The following ABHD12 variants were observed in gnomAD, a reference collection of about 807,000 sequenced individuals.
ABHD12 encodes the protein lysophosphatidylserine lipase ABHD12.
Under a neutral mutation model 58.3 loss-of-function variants are expected in ABHD12, and 43 were observed. The ratio of observed to expected loss-of-function variants is 0.74; its 90% CI spans 0.58 to 0.95. The LOEUF is 0.95. Among genes scored for constraint, ABHD12 ranks in the 40% least tolerant of loss-of-function variants. ABHD12 has a pLI of 0.00. For missense variants in ABHD12, 539 were observed against 537.2 expected (o/e 1.00, Z -0.03); for synonymous variants, 219 against 211.2 (o/e 1.04, Z -0.32).
intron 1 of ABHD12, among the ~76,000 whole-genome samples, chr20:25,355,495 G>GT (rs1242106001): frequency 6.6e-6 from 1 of 151,940 alleles, no homozygotes; most frequent in Non-Finnish European, 1.5e-5. Context: ...AATTTAAAGG[G>GT]TTTTTTTGTT....
At position 25,308,039 on chromosome 20, in the gene ABHD12, G is replaced by A. The variant is rs1051828961; in HGVS notation, c.794C>T (p.Pro265Leu). Residue 265 changes from proline to leucine, a missense_variant, in exon 9 of 13, where the codon CCT becomes CTT. Coordinates refer to ENST00000339157, the MANE Select transcript of ABHD12 (RefSeq NM_001042472.3). ...LVRRLCERET[P>L]PDALILESPF... ...AGATTCCAATATAAGGGCATCTGGAGGCGTCTCTAGATAAACAAACAGGGA... is the reference window on the plus strand; with the variant it reads ...AGATTCCAATATAAGGGCATCTGGAAGCGTCTCTAGATAAACAAACAGGGA... The A allele has an allele frequency of 3.1e-6, 5 of 1,601,288 alleles. No homozygotes were observed. Among genetic ancestry groups the A allele is most frequent in the Non-Finnish European group, 4.3e-6 (5 of 1,168,234 alleles).
At chr20:25,374,069 A>G (rs2500400) in intron 1 of ABHD12, among the ~76,000 whole-genome samples, 88,304 of 151,696 alleles carry the variant, frequency 0.58, 26,534 homozygotes, top group African/African-American at 0.67. Flanking sequence ...AATCAAAGGC[A>G]TGCACACCAC....
chr20:25,369,090 C>T (rs2089864706), intron 1 of ABHD12, among the ~76,000 whole-genome samples: 2 of 151,880 alleles, frequency 1.3e-5, no homozygotes, highest in Non-Finnish European at 1.5e-5. Flanking sequence ...TGTAGTCCAG[C>T]CTGGGTGACA....
chr20:25,359,265 C>CA (rs1040872750), intron 1 of ABHD12, among the ~76,000 whole-genome samples: 6 of 147,964 alleles, frequency 4.1e-5, no homozygotes, highest in Admixed American at 2.0e-4. Context: ...ACTAAAAATA[C>CA]AAAAAAAAAT....
chr20:25,327,251 GAGGTCA>G (rs1438135658), intron 2 of ABHD12, among the ~76,000 whole-genome samples: 1 of 152,180 alleles, frequency 6.6e-6, no homozygotes, highest in African/African-American at 2.4e-5. Flanking sequence ...GGCAGATCAC[GAGGTCA>G]GGAGTTTGAG....
intron 1 of ABHD12, among the ~76,000 whole-genome samples, chr20:25,346,787 A>G (rs1056015090): frequency 3.3e-5 from 5 of 152,026 alleles, no homozygotes; most frequent in Non-Finnish European, 7.4e-5. Flanking sequence ...CTGGGACTAC[A>G]GGCGCCTGCC....
chr20:25,300,658 TCAGGCCTCCGGGCACTG>T lies in ABHD12; in HGVS notation c.*170_*186del. On this transcript the variant is annotated 3_prime_UTR_variant, in exon 13 of 13. Coordinates refer to ENST00000339157, the MANE Select transcript of ABHD12 (RefSeq NM_001042472.3). The stretch of plus-strand genomic sequence containing the variant: ...ACCCACGCTTTCCACACAGCCATGC[TCAGGCCTCCGGGCACTG>T]CAGGCCTGCAGGGGCCTCCCCGCCT... 6.7e-7 allele frequency: 1 copy of T among 1,501,342 alleles called. No homozygotes were observed. Among genetic ancestry groups the T allele is most frequent in the Non-Finnish European group, 8.9e-7 (1 of 1,129,106 alleles). The allele number at this position is 1,501,342 out of a possible 1,614,324, so 93.0% of individuals were successfully genotyped here. A position where few individuals can be genotyped will look rare whatever the true frequency, so the allele number is the denominator to read the frequency against.
intron 1 of ABHD12, chr20:25,368,293 A>G (rs1190382775): frequency 2.0e-6 from 3 of 1,535,264 alleles, no homozygotes; most frequent in East Asian, 4.5e-5. Flanking sequence ...GTTCACAGTC[A>G]GCAATGGTGA....
At chr20:25,390,041 G>A (rs1251097908) in intron 1 of ABHD12, 3 of 153,048 alleles carry the variant, frequency 2.0e-5, no homozygotes, top group Non-Finnish European at 2.9e-5. Context: ...GGAGGAGGAG[G>A]TCCGAGTGGG....
At chr20:25,313,005 T>TG (rs1355991255) in intron 6 of ABHD12, among the ~76,000 whole-genome samples, 19 of 151,356 alleles carry the variant, frequency 1.3e-4, no homozygotes, top group Admixed American at 3.3e-4. Context: ...GTCTGGGAGG[T>TG]GGGGGGCGCC....
At chr20:25,380,118 C>T (rs915288747) in intron 1 of ABHD12, among the ~76,000 whole-genome samples, 5 of 152,148 alleles carry the variant, frequency 3.3e-5, no homozygotes, top group African/African-American at 7.2e-5. Flanking sequence ...TTAATCTGCC[C>T]TTCAGTGTAA....
rs1490817479 is a variant in ABHD12, at chr20:25,312,664, T to C, written c.619+2261A>G. On this transcript the variant is annotated intron_variant, in intron 6 of 12. Coordinates refer to ENST00000339157, the MANE Select transcript of ABHD12 (RefSeq NM_001042472.3). ...CATCGTCTGGGATGTGAGGAGCCCC[T>C]CTGCCTGGCTGCCCAGTCTGGGAAG... 2.1e-5 allele frequency among the ~76,000 whole-genome samples: 3 copies of C among 146,262 alleles called. No homozygotes were observed. In the East Asian group the frequency reaches 6.1e-4, roughly 30 times the overall value.
chr20:25,297,106 A>G (rs200510961), downstream of ABHD12: 23 of 156,102 alleles, frequency 1.5e-4, no homozygotes, highest in Non-Finnish European at 2.7e-4. Flanking sequence ...CACCTGGTAT[A>G]TGGGTCATGG....
At chr20:25,337,017 G>A (rs931092595) in intron 2 of ABHD12, among the ~76,000 whole-genome samples, 7 of 152,194 alleles carry the variant, frequency 4.6e-5, no homozygotes, top group South Asian at 2.1e-4. Context: ...ATCCCAGCAC[G>A]TTGGGAGGCC....
At chr20:25,360,996 G>A (rs1378365704) in intron 1 of ABHD12, among the ~76,000 whole-genome samples, 1 of 152,248 alleles carries the variant, frequency 6.6e-6, no homozygotes, top group Non-Finnish European at 1.5e-5. Context: ...TTAGAAAACA[G>A]TGTGGAGAAC....
chr20:25,359,170 C>T (rs1217524441), intron 1 of ABHD12, among the ~76,000 whole-genome samples: 2 of 151,628 alleles, frequency 1.3e-5, no homozygotes, highest in Admixed American at 6.6e-5. Flanking sequence ...GCTTGTAATC[C>T]CAGCACTTTG....
At chr20:25,351,485 C>T (rs1387749029) in intron 1 of ABHD12, among the ~76,000 whole-genome samples, 6 of 152,220 alleles carry the variant, frequency 3.9e-5, no homozygotes. Context: ...CTTTGCTTGA[C>T]AGTCACTTGG....
intron 3 of ABHD12, 90 bp from the exon 4 acceptor site, chr20:25,320,408 A>G: frequency 6.4e-7 from 1 of 1,574,382 alleles, no homozygotes; most frequent in Non-Finnish European, 8.6e-7. Flanking sequence ...AATCAGCTCA[A>G]GTCCAGACAG....
chr20:25,345,307 G>T (rs1486183005), intron 1 of ABHD12, among the ~76,000 whole-genome samples: 1 of 152,074 alleles, frequency 6.6e-6, no homozygotes, highest in Admixed American at 6.5e-5. Flanking sequence ...GGATGGTCTT[G>T]ATCTCCTGAT....
Sources: gnomAD v4.1 joint callset for allele counts (sites outside exome capture counted in the v4.1 genomes callset) on GRCh38, gnomAD v4.1.1 for gene constraint, MANE v1.5 for transcripts, NCBI Gene and HGNC (gene_info 2026-07-23, HGNC 2026-07-21) for gene names.